Variants in BTBD10 observed in about 807,000 individuals in gnomAD.
BTBD10 encodes BTB domain containing 10.
Under a neutral mutation model 53.2 loss-of-function variants are expected in BTBD10, and 21 were observed. That is an observed-to-expected ratio of 0.39 (90% CI 0.28 to 0.57). The LOEUF (loss-of-function observed/expected upper bound fraction) is 0.57, where lower values mean the gene tolerates loss of function less well. Among genes scored for constraint, BTBD10 ranks in the 20% least tolerant of loss-of-function variants. The probability of loss-of-function intolerance (pLI) is 0.53; values close to 1 mark genes in which losing one functional copy is unlikely to be tolerated. For missense variants in BTBD10, 360 were observed against 594.7 expected (o/e 0.61, Z 4.10); for synonymous variants, 149 against 192.7 (o/e 0.77, Z 1.88).
chr11:13,421,150 G>A (rs1053997928), intron 3 of BTBD10, among the ~76,000 whole-genome samples: 1 of 152,126 alleles, frequency 6.6e-6, no homozygotes, highest in African/African-American at 2.4e-5. Context: ...ATAATACTGA[G>A]TAGGAAGGAA....
chr11:13,434,310 A>G (rs1479867565), intron 2 of BTBD10, among the ~76,000 whole-genome samples: 1 of 152,200 alleles, frequency 6.6e-6, no homozygotes, highest in Non-Finnish European at 1.5e-5. Flanking sequence ...AATAAAGGTA[A>G]TAAAAAAAGA....
intron 8 of BTBD10, among the ~76,000 whole-genome samples, chr11:13,390,628 C>T (rs544555837): frequency 7.2e-5 from 11 of 152,206 alleles, no homozygotes; most frequent in Non-Finnish European, 1.2e-4. Flanking sequence ...TGAGCCACTG[C>T]GCCCAGCCAC....
chr11:13,390,851 G>A (rs1949390465), intron 8 of BTBD10, among the ~76,000 whole-genome samples: 1 of 152,152 alleles, frequency 6.6e-6, no homozygotes, highest in South Asian at 2.1e-4. Context: ...ATGTGGTGGG[G>A]GTGAGATAGG....
chr11:13,394,483 T>C (rs1056447090), intron 8 of BTBD10, among the ~76,000 whole-genome samples: 5 of 152,200 alleles, frequency 3.3e-5, no homozygotes, highest in African/African-American at 1.2e-4. Flanking sequence ...GCCTGCGGAA[T>C]TGTGCACCAA....
chr11:13,391,341 T>C (rs1358782820), intron 8 of BTBD10, among the ~76,000 whole-genome samples: 6 of 152,206 alleles, frequency 3.9e-5, no homozygotes, highest in Non-Finnish European at 8.8e-5. Flanking sequence ...CACCTTCTTT[T>C]ATCCCTGGCA....
rs556129110 is a variant in BTBD10, at chr11:13,429,594, T to C, written c.102-7756A>G. On this transcript the variant is annotated intron_variant, in intron 2 of 8. Transcript: ENST00000278174. ...GGAACAAATGAATATACAATAGGTA[T>C]TTCACTTTCAGCAATTCTAGAGAAA... is the stretch of plus-strand genomic sequence containing the variant. 2.6e-5 allele frequency among the ~76,000 whole-genome samples: 4 copies of C among 152,024 alleles called. No individual in the cohort carries two copies. The South Asian group carries it at 8.3e-4, about 32-fold the overall frequency.
chr11:13,395,680 T>C (rs935125304), intron 8 of BTBD10, among the ~76,000 whole-genome samples: 2 of 152,182 alleles, frequency 1.3e-5, no homozygotes, highest in Non-Finnish European at 2.9e-5. Flanking sequence ...AGGTCTAACA[T>C]GTAAGTCTTT....
intron 1 of BTBD10, among the ~76,000 whole-genome samples, chr11:13,458,595 C>T (rs1430367321): frequency 1.3e-5 from 2 of 152,162 alleles, no homozygotes; most frequent in Non-Finnish European, 2.9e-5. Flanking sequence ...GCTTGATTTG[C>T]ACTTTAGTTT....
chr11:13,403,309 TA>T, intron 7 of BTBD10, 31 bp from the exon 8 acceptor site: 2 of 1,210,678 alleles, frequency 1.7e-6, no homozygotes, highest in Non-Finnish European at 2.3e-6. Flanking sequence ...ATTATTGTAT[TA>T]AAATTAAAGG....
intron 8 of BTBD10, among the ~76,000 whole-genome samples, chr11:13,391,953 A>G (rs1949418778): frequency 6.6e-6 from 1 of 152,200 alleles, no homozygotes; most frequent in Non-Finnish European, 1.5e-5. Context: ...ATAGATGGAT[A>G]AATAGATAGA....
At chr11:13,397,506 T>G (rs1385905957) in intron 8 of BTBD10, among the ~76,000 whole-genome samples, 1 of 152,180 alleles carries the variant, frequency 6.6e-6, no homozygotes, top group Non-Finnish European at 1.5e-5. Context: ...CTGGATTCAT[T>G]GATTTTTTGA....
At position 13,395,390 on chromosome 11, in the gene BTBD10, GT is replaced by G. The variant is rs568313851; in HGVS notation, c.1118-6250del. 5.2e-3 allele frequency among the ~76,000 whole-genome samples: 795 copies of G among 152,078 alleles called. 9 individuals carry two copies. The highest frequency in any genetic ancestry group is 0.018 in the African/African-American group (735 of 41,498). Reference sequence around the variant, plus strand: ...CCTTTGCCCACTTTTTGATGGGGTTGTTTTTTTCTTGTAAATTTGTTTGAGT... The same window carrying G: ...CCTTTGCCCACTTTTTGATGGGGTTGTTTTTTCTTGTAAATTTGTTTGAGT... On this transcript the variant is annotated intron_variant, in intron 8 of 8. Coordinates refer to ENST00000278174, the MANE Select transcript of BTBD10 (RefSeq NM_032320.7).
intron 5 of BTBD10, among the ~76,000 whole-genome samples, chr11:13,416,789 T>TTCGAGAACAGAG (rs1950125364): frequency 2.0e-5 from 3 of 151,892 alleles, no homozygotes; most frequent in Non-Finnish European, 4.4e-5. Flanking sequence ...ACAGCCTAGG[T>TTCGAGAACAGAG]AACACTGTGA....
At chr11:13,456,849 C>T (rs1950978580) in intron 1 of BTBD10, among the ~76,000 whole-genome samples, 1 of 152,158 alleles carries the variant, frequency 6.6e-6, no homozygotes, top group African/African-American at 2.4e-5. Flanking sequence ...TCAATACTGG[C>T]ATACACTGCC....
chr11:13,395,670 A>T (rs910532595), intron 8 of BTBD10, among the ~76,000 whole-genome samples: 5 of 152,096 alleles, frequency 3.3e-5, no homozygotes, highest in African/African-American at 1.2e-4. Flanking sequence ...TTATGGTTTT[A>T]GGTCTAACAT....
chr11:13,429,905 A>C (rs914264432), intron 2 of BTBD10, among the ~76,000 whole-genome samples: 2 of 152,002 alleles, frequency 1.3e-5, no homozygotes. Flanking sequence ...GGAGTTCAAG[A>C]CCAGCCTGGG....
intron 2 of BTBD10, among the ~76,000 whole-genome samples, chr11:13,432,847 T>C (rs1377396914): frequency 6.6e-6 from 1 of 151,728 alleles, no homozygotes; most frequent in Admixed American, 6.6e-5. Context: ...AGAGAACTAA[T>C]GAAGGAGGTC....
At chr11:13,397,268 G>C (rs1949578550) in intron 8 of BTBD10, among the ~76,000 whole-genome samples, 1 of 152,150 alleles carries the variant, frequency 6.6e-6, no homozygotes, top group Non-Finnish European at 1.5e-5. Flanking sequence ...GTTTAGTCTT[G>C]GGAGAGTGTA....
At chr11:13,414,338 A>T (rs1950040197) in intron 5 of BTBD10, among the ~76,000 whole-genome samples, 1 of 152,200 alleles carries the variant, frequency 6.6e-6, no homozygotes, top group Non-Finnish European at 1.5e-5. Context: ...GACAGCTAAA[A>T]AAACACTTTT....
Sources: allele counts gnomAD v4.1 joint callset (sites outside exome capture counted in the v4.1 genomes callset), GRCh38; gene constraint gnomAD v4.1.1; transcripts MANE v1.5; gene names NCBI Gene and HGNC (gene_info 2026-07-23, HGNC 2026-07-21).